The following MDM2 variants were observed in gnomAD, a reference collection of about 807,000 sequenced individuals.
MDM2 encodes the protein MDM2 proto-oncogene.
A neutral mutation model predicts 64.3 loss-of-function variants in MDM2; 11 were observed. That is an observed-to-expected ratio of 0.17 (90% CI 0.11 to 0.28). The LOEUF (loss-of-function observed/expected upper bound fraction) is 0.28. MDM2 is among the 10% of genes least tolerant of loss of function. MDM2 has a pLI of 1.00. For missense variants in MDM2, 388 were observed against 577.1 expected, an observed-to-expected ratio of 0.67 and a Z score of 3.36; for synonymous variants, 194 against 192.9, an observed-to-expected ratio of 1.01 and a Z score of -0.05.
At chr12:68,821,656 A>G (rs975671547) in intron 5 of MDM2, among the ~76,000 whole-genome samples, 12 of 152,144 alleles carry the variant, frequency 7.9e-5, no homozygotes, top group Non-Finnish European at 1.6e-4. Flanking sequence ...CTGGGAGGTC[A>G]GGACTGTAGT....
In MDM2 at chr12:68,845,052, G is replaced by A. The variant is rs1334219253; in HGVS notation, c.*5203G>A. ...CAAAGTGCTGTGATTACAGGCGTGAGCCGCCACGCCCAGCCTAATAAGGGT... is the reference window on the plus strand; with the variant it reads ...CAAAGTGCTGTGATTACAGGCGTGAACCGCCACGCCCAGCCTAATAAGGGT... On this transcript the variant is annotated 3_prime_UTR_variant, in exon 11 of 11. Coordinates refer to ENST00000258149, the MANE Select transcript of MDM2 (RefSeq NM_002392.6). The A allele has an allele frequency of 3.3e-5, 7 of 209,164 alleles. No homozygotes were observed. In the East Asian group the frequency reaches 5.0e-4, roughly 15 times the overall value. The allele number at this position is 209,164 out of a possible 1,614,324, so 13.0% of individuals were successfully genotyped here. A position where few individuals can be genotyped will look rare whatever the true frequency, so the allele number is the denominator to read the frequency against.
chr12:68,816,634 G>A (rs1262798641), intron 3 of MDM2, among the ~76,000 whole-genome samples, 178 bp from the exon 4 acceptor site: 1 of 152,136 alleles, frequency 6.6e-6, no homozygotes. Context: ...TGGGATTACA[G>A]GTGTGAGCCA....
intron 2 of MDM2, among the ~76,000 whole-genome samples, chr12:68,812,631 G>A (rs1881004582): frequency 6.6e-6 from 1 of 151,920 alleles, no homozygotes; most frequent in South Asian, 2.1e-4. Flanking sequence ...AATTTTTTTT[G>A]TAGAGGTGGA....
intron 8 of MDM2, among the ~76,000 whole-genome samples, chr12:68,830,887 G>A (rs961501839): frequency 6.6e-6 from 1 of 152,140 alleles, no homozygotes; most frequent in Non-Finnish European, 1.5e-5. Context: ...TTTTAGTAGA[G>A]ATGGGGTTTC....
chr12:68,836,615 C>A, intron 9 of MDM2, 57 bp from the exon 10 acceptor site: 2 of 1,178,936 alleles, frequency 1.7e-6, no homozygotes, highest in Non-Finnish European at 1.3e-6. Flanking sequence ...TACTAGGAAG[C>A]CTTCTGATTG....
downstream of MDM2, chr12:68,849,810 GC>G (rs1884579775): frequency 6.6e-6 from 1 of 150,472 alleles, no homozygotes; most frequent in Non-Finnish European, 1.5e-5. Context: ...ATGGGGTTTT[GC>G]TATGTTAGCC....
chr12:68,832,571 G>A (rs1047892244), intron 8 of MDM2, among the ~76,000 whole-genome samples: 3 of 152,008 alleles, frequency 2.0e-5, no homozygotes, highest in African/African-American at 2.4e-5. Flanking sequence ...GGAGTGCAGC[G>A]CATGATCATG....
intron 5 of MDM2, among the ~76,000 whole-genome samples, chr12:68,822,922 G>C (rs1022728604): frequency 9.2e-5 from 14 of 152,174 alleles, no homozygotes; most frequent in African/African-American, 3.1e-4. Flanking sequence ...TGTATTTTTA[G>C]TAGAGAAAGG....
At chr12:68,821,990 G>T (rs979971969) in intron 5 of MDM2, among the ~76,000 whole-genome samples, 1 of 152,094 alleles carries the variant, frequency 6.6e-6, no homozygotes, top group Non-Finnish European at 1.5e-5. Flanking sequence ...AAGTTGCTGG[G>T]ACTACAGATG....
At chr12:68,831,895 A>C (rs2589285) in intron 8 of MDM2, among the ~76,000 whole-genome samples, 66,622 of 151,712 alleles carry the variant, frequency 0.44, 15,553 homozygotes, top group African/African-American at 0.58. Context: ...TGTTGTGAAA[A>C]CCCATCTCTA....
At chr12:68,827,879 C>A (rs529637810) in intron 7 of MDM2, among the ~76,000 whole-genome samples, 1 of 152,086 alleles carries the variant, frequency 6.6e-6, no homozygotes, top group Non-Finnish European at 1.5e-5. Context: ...GCCTGTAATC[C>A]CAGCACTTTG....
intron 3 of MDM2, among the ~76,000 whole-genome samples, chr12:68,815,181 T>C (rs1480924602): frequency 1.3e-5 from 2 of 152,184 alleles, no homozygotes; most frequent in Admixed American, 1.3e-4. Context: ...CTTATTATCA[T>C]TGGATAATCA....
At chr12:68,816,362 C>CTTTTTTTTTTTTTTTTTT (rs62874563) in intron 3 of MDM2, among the ~76,000 whole-genome samples, 1 of 61,064 alleles carries the variant, frequency 1.6e-5, no homozygotes. Context: ...TTAAAAGTAG[C>CTTTTTTTTTTTTTTTTTT]TTTTTTTTTT....
chr12:68,824,221 C>T, intron 5 of MDM2, 142 bp from the exon 6 acceptor site: 3 of 586,902 alleles, frequency 5.1e-6, no homozygotes, highest in South Asian at 2.4e-5. Context: ...ATGAGGATGC[C>T]ACCTGGAAAA....
rs569665159 is a variant in MDM2, at chr12:68,845,285, A to G, written c.*5436A>G. The G allele has an allele frequency of 4.7e-6, 1 of 214,132 alleles. No homozygotes were observed. The highest frequency in any genetic ancestry group is 2.3e-5 in the African/African-American group (1 of 44,278). 13.3% of individuals were successfully genotyped at this position (214,132 alleles called of 1,614,324 possible). ...ATTGTCTACCATGTAGCCAGCTTTCAATTATATGTAAGAGGGACTTTTTGA... is the reference window on the plus strand; with the variant it reads ...ATTGTCTACCATGTAGCCAGCTTTCGATTATATGTAAGAGGGACTTTTTGA... On this transcript the variant is annotated 3_prime_UTR_variant, in exon 11 of 11. Coordinates refer to ENST00000258149, the MANE Select transcript of MDM2 (RefSeq NM_002392.6).
In MDM2 at chr12:68,823,699, G is replaced by C. The variant is rs3730564; in HGVS notation, c.359-664G>C. On this transcript the variant is annotated intron_variant, in intron 5 of 10. Coordinates refer to ENST00000258149, the MANE Select transcript of MDM2 (RefSeq NM_002392.6). ...CTTCTGCTTAAAATTACCATTTAGG[G>C]GTTCATTATTGCTCTCTGGATGTAA... 6.0e-3 allele frequency among the ~76,000 whole-genome samples: 919 copies of C among 152,134 alleles called. 12 individuals are homozygous for C. The highest frequency in any genetic ancestry group is 0.021 in the African/African-American group (867 of 41,484).
In MDM2 at chr12:68,833,842, ATTAGTGCACTAAAGACT is replaced by A. The variant is rs1883100645; in HGVS notation, c.685-1981_685-1965del. Reference sequence around the variant, plus strand: ...TTGTGATTTACCCCCTTATTCTAAAATTAGTGCACTAAAGACTTTAGTTAGTTGAAGTATTTGGTTTG... The same window carrying A: ...TTGTGATTTACCCCCTTATTCTAAAATTAGTTAGTTGAAGTATTTGGTTTG... On this transcript the variant is annotated intron_variant, in intron 8 of 10. Coordinates refer to ENST00000258149, the MANE Select transcript of MDM2 (RefSeq NM_002392.6). Among the ~76,000 whole-genome samples, 14 of 152,254 alleles carry A rather than the reference ATTAGTGCACTAAAGACT, an allele frequency of 9.2e-5. No individual in the cohort carries two copies. In the South Asian group the frequency reaches 2.7e-3, roughly 29 times the overall value.
intron 8 of MDM2, among the ~76,000 whole-genome samples, chr12:68,833,304 A>ATT: frequency 8.7e-6 from 1 of 114,936 alleles, no homozygotes; most frequent in African/African-American, 3.5e-5. Context: ...TATTTATATA[A>ATT]ATATAAAAAT....
intron 2 of MDM2, 120 bp downstream of exon 2, chr12:68,809,412 A>G: frequency 2.2e-6 from 2 of 900,978 alleles, no homozygotes; most frequent in Non-Finnish European, 3.6e-6. Flanking sequence ...TGCATAGCTT[A>G]AAGTGTGCTA....
Sources: gnomAD v4.1 joint callset for allele counts (sites outside exome capture counted in the v4.1 genomes callset) on GRCh38, gnomAD v4.1.1 for gene constraint, MANE v1.5 for transcripts, NCBI Gene and HGNC (gene_info 2026-07-23, HGNC 2026-07-21) for gene names.